The following CDH18 variants were observed in gnomAD, a reference collection of about 807,000 sequenced individuals.
CDH18 encodes the protein cadherin 18.
Under a neutral mutation model 67.9 loss-of-function variants are expected in CDH18, and 31 were observed. The observed-to-expected ratio is 0.46, with a 90% confidence interval of 0.34 to 0.62. CDH18 has a LOEUF of 0.62. CDH18 is among the 20% of genes least tolerant of loss of function. The pLI, the probability that CDH18 is intolerant of heterozygous loss-of-function variation, is 0.01. For missense variants in CDH18, 890 were observed against 975.5 expected (o/e 0.91, Z 1.17); for synonymous variants, 362 against 347.2 (o/e 1.04, Z -0.48).
intron 1 of CDH18, among the ~76,000 whole-genome samples, chr5:20,513,336 G>T (rs1297873047): frequency 1.9e-4 from 29 of 152,076 alleles, no homozygotes; most frequent in Non-Finnish European, 1.5e-5. Context: ...CATCTTCAGA[G>T]AGACAATCTC....
At chr5:20,097,693 A>T (rs1580235265) in intron 2 of CDH18, among the ~76,000 whole-genome samples, 2 of 152,290 alleles carry the variant, frequency 1.3e-5, no homozygotes, top group East Asian at 3.9e-4. Context: ...TGCCAACATA[A>T]TACTGATCTG....
At chr5:20,153,860 C>T (rs906879070) in intron 2 of CDH18, among the ~76,000 whole-genome samples, 4 of 152,092 alleles carry the variant, frequency 2.6e-5, no homozygotes, top group Non-Finnish European at 5.9e-5. Flanking sequence ...GCCCTGTCTC[C>T]GAATACTTTG....
rs141285021 is a variant in CDH18, at chr5:20,505,841, T to C, written c.-580+69621A>G. Among the ~76,000 whole-genome samples, 481 of 152,294 alleles carry C rather than the reference T, an allele frequency of 3.2e-3. 3 individuals are homozygous for C. Among genetic ancestry groups the C allele is most frequent in the African/African-American group, 0.011 (454 of 41,564 alleles). On this transcript the variant is annotated intron_variant, in intron 1 of 14. Coordinates refer to the CDH18 transcript ENST00000507958. ...TAATCAGGTTATCTGCCCTGAGCTA[T>C]TTCTGAATGGCAGCATGCATTGGAC...
At chr5:19,849,671 CAT>C (rs10553456) in intron 2 of CDH18, among the ~76,000 whole-genome samples, 54,428 of 85,876 alleles carry the variant, frequency 0.63, 17,956 homozygotes, top group Middle Eastern at 0.69. Flanking sequence ...TATATACACG[CAT>C]ATATATATAA....
intron 2 of CDH18, among the ~76,000 whole-genome samples, chr5:19,840,612 G>A (rs946724700): frequency 3.3e-5 from 5 of 152,084 alleles, no homozygotes; most frequent in Admixed American, 6.6e-5. Flanking sequence ...TGAGGCAGGA[G>A]AATCGCTTGA....
intron 3 of CDH18, among the ~76,000 whole-genome samples, chr5:19,801,123 A>G (rs189507575): frequency 1.3e-5 from 2 of 152,216 alleles, no homozygotes; most frequent in East Asian, 3.9e-4. Context: ...GAACAACAAC[A>G]ATGAAAATAG....
At chr5:20,350,730 A>G (rs1359322384) in intron 1 of CDH18, among the ~76,000 whole-genome samples, 1 of 152,150 alleles carries the variant, frequency 6.6e-6, no homozygotes, top group East Asian at 1.9e-4. Context: ...ACATTTCAGA[A>G]CTGTGACAGT....
chr5:20,362,536 T>C (rs1742166875), intron 1 of CDH18, among the ~76,000 whole-genome samples: 1 of 152,174 alleles, frequency 6.6e-6, no homozygotes, highest in African/African-American at 2.4e-5. Flanking sequence ...AAAGTGAAGA[T>C]AGCTTCATTG....
intron 7 of CDH18, among the ~76,000 whole-genome samples, chr5:19,584,332 C>A (rs528723921): frequency 4.8e-4 from 73 of 152,212 alleles, no homozygotes; most frequent in African/African-American, 1.8e-3. Flanking sequence ...GTCCTGCTGG[C>A]GGATTTATAG....
Position 20,552,833 on chromosome 5 carries a change from G to A in CDH18, c.-580+22629C>T, listed in dbSNP as rs190082809. ...CAGTGGCGTGTGATCTCGGCTCACC[G>A]CAACCTCTGCCTCGCGGTTCAAGCA... On this transcript the variant is annotated intron_variant, in intron 1 of 14. Coordinates refer to the CDH18 transcript ENST00000507958. Among the ~76,000 whole-genome samples the A allele has an allele frequency of 3.9e-3, 587 of 151,496 alleles. 8 individuals are homozygous for A. The highest frequency in any genetic ancestry group is 0.013 in the African/African-American group (551 of 41,258).
chr5:20,187,130 T>G (rs1738163750), intron 2 of CDH18, among the ~76,000 whole-genome samples: 1 of 151,858 alleles, frequency 6.6e-6, no homozygotes, highest in Non-Finnish European at 1.5e-5. Flanking sequence ...TGCCAGGGGC[T>G]GGAGAAGGGA....
chr5:20,125,505 T>C (rs1358727756), intron 2 of CDH18, among the ~76,000 whole-genome samples: 1 of 152,178 alleles, frequency 6.6e-6, no homozygotes, highest in Admixed American at 6.5e-5. Flanking sequence ...CCCTCTTATA[T>C]TCTTATATTT....
Position 20,418,242 on chromosome 5 carries a change from A to ATTTTTTTTTTTTTTTTTTTTTTTTTT in CDH18, c.-580+157219_-580+157220insAAAAAAAAAAAAAAAAAAAAAAAAAA, listed in dbSNP as rs58308147. On this transcript the variant is annotated intron_variant, in intron 1 of 14. Transcript: ENST00000507958. ...AGGTGTCTGCCACCACTGCTGGCTA[A>ATTTTTTTTTTTTTTTTTTTTTTTTTT]TTTTTTTTTTTTTTTTTTTTTTTTG... Among the ~76,000 whole-genome samples the ATTTTTTTTTTTTTTTTTTTTTTTTTT allele has an allele frequency of 1.2e-3, 71 of 56,914 alleles. 12 individuals carry two copies. Among genetic ancestry groups the ATTTTTTTTTTTTTTTTTTTTTTTTTT allele is most frequent in the African/African-American group, 2.3e-3 (28 of 12,048 alleles). The allele number at this position is 56,914 out of a possible 152,430, so 37.3% of individuals were successfully genotyped here.
At chr5:19,845,270 C>G (rs141463245) in intron 2 of CDH18, among the ~76,000 whole-genome samples, 1 of 151,774 alleles carries the variant, frequency 6.6e-6, no homozygotes, top group African/African-American at 2.4e-5. Flanking sequence ...TTTCTTTGAC[C>G]CATTGGTTGT....
At chr5:20,558,781 A>G (rs190590661) in intron 1 of CDH18, among the ~76,000 whole-genome samples, 83 of 152,144 alleles carry the variant, frequency 5.5e-4, no homozygotes, top group Admixed American at 1.4e-3. Context: ...CATGCAATTC[A>G]GAAGAAAAAG....
At chr5:20,325,461 C>A (rs570787710) in intron 1 of CDH18, among the ~76,000 whole-genome samples, 27 of 152,244 alleles carry the variant, frequency 1.8e-4, no homozygotes, top group African/African-American at 6.5e-4. Context: ...GGCAAAATGA[C>A]AGAAAATAAA....
intron 2 of CDH18, among the ~76,000 whole-genome samples, chr5:19,903,072 G>A (rs1392060199): frequency 1.3e-5 from 2 of 151,436 alleles, no homozygotes; most frequent in Non-Finnish European, 2.9e-5. Context: ...CAACAGCTTT[G>A]CCCAACCACA....
intron 9 of CDH18, among the ~76,000 whole-genome samples, chr5:19,521,707 T>C (rs1214510858): frequency 6.6e-6 from 1 of 150,584 alleles, no homozygotes; most frequent in Non-Finnish European, 1.5e-5. Context: ...AAGTGTCAAG[T>C]AGCTCTAAAA....
At chr5:19,935,889 T>G (rs1234861459) in intron 2 of CDH18, among the ~76,000 whole-genome samples, 1 of 150,744 alleles carries the variant, frequency 6.6e-6, no homozygotes, top group Non-Finnish European at 1.5e-5. Flanking sequence ...TTTTTTTTTT[T>G]GTTCCTGATG....
Sources: allele counts gnomAD v4.1 joint callset (sites outside exome capture counted in the v4.1 genomes callset), GRCh38; gene constraint gnomAD v4.1.1; transcripts MANE v1.5; gene names NCBI Gene and HGNC (gene_info 2026-07-23, HGNC 2026-07-21).